Variants in NPIPB11 observed in about 807,000 individuals in gnomAD.
NPIPB11 encodes nuclear pore complex-interacting protein family member B11.
Under a neutral mutation model 32.8 loss-of-function variants are expected in NPIPB11, and 17 were observed. The ratio of observed to expected loss-of-function variants is 0.52; its 90% CI spans 0.35 to 0.78. The LOEUF is 0.78. NPIPB11 is among the 30% of genes least tolerant of loss of function. NPIPB11 has a pLI of 0.01. For synonymous variants in NPIPB11, 209 were observed against 398.4 expected (o/e 0.52, Z 5.66); for missense variants, 537 against 1,000.4 (o/e 0.54, Z 6.25).
intron 3 of NPIPB11, among the ~76,000 whole-genome samples, chr16:29,391,005 A>T (rs1963709075): frequency 6.6e-6 from 1 of 151,050 alleles, no homozygotes; most frequent in African/African-American, 2.4e-5. Flanking sequence ...GCGGTAGCTC[A>T]TGCCTGTAAT....
At chr16:29,397,035 T>C (rs1963871695) in intron 2 of NPIPB11, among the ~76,000 whole-genome samples, 1 of 151,262 alleles carries the variant, frequency 6.6e-6, no homozygotes. Flanking sequence ...AATACAAAAA[T>C]TAGCCAGGCG....
intron 2 of NPIPB11, among the ~76,000 whole-genome samples, chr16:29,402,669 C>G (rs971274372): frequency 1.3e-5 from 2 of 149,032 alleles, no homozygotes; most frequent in African/African-American, 5.0e-5. Context: ...TGCCACTGCA[C>G]TCCAGCCTGG....
chr16:29,400,219 C>T (rs1265170603), intron 2 of NPIPB11, among the ~76,000 whole-genome samples: 2 of 147,692 alleles, frequency 1.4e-5, no homozygotes, highest in Non-Finnish European at 3.0e-5. Flanking sequence ...CTAGAGTCAC[C>T]GTGATCATAG....
At chr16:29,391,643 C>T (rs1476987004) in intron 3 of NPIPB11, among the ~76,000 whole-genome samples, 2 of 152,202 alleles carry the variant, frequency 1.3e-5, no homozygotes, top group African/African-American at 4.8e-5. Context: ...TTAAATATTT[C>T]TTCTCATCAT....
chr16:29,397,653 T>A, intron 2 of NPIPB11: 2 of 1,402,558 alleles, frequency 1.4e-6, no homozygotes, highest in Admixed American at 2.0e-5. Flanking sequence ...GTCCTGGTCC[T>A]TTCAGGGCGC....
chr16:29,389,421 C>A (rs12448633), intron 5 of NPIPB11, among the ~76,000 whole-genome samples: 8,177 of 138,452 alleles, frequency 0.059, 439 homozygotes, highest in East Asian at 0.26. Context: ...CGCCTCTAAT[C>A]CCAGCACTTT....
intron 5 of NPIPB11, among the ~76,000 whole-genome samples, chr16:29,389,260 G>A (rs944672393): frequency 6.6e-6 from 1 of 150,720 alleles, no homozygotes; most frequent in Non-Finnish European, 1.5e-5. Context: ...AGCTACTCGG[G>A]AGGCTGAGGC....
chr16:29,389,687 A>G (rs1489469707), intron 5 of NPIPB11, among the ~76,000 whole-genome samples: 127 of 102,148 alleles, frequency 1.2e-3, no homozygotes, highest in Middle Eastern at 6.7e-3. Context: ...AAAAAAAAAA[A>G]AAAAAAAAAA....
intron 3 of NPIPB11, among the ~76,000 whole-genome samples, chr16:29,393,313 C>T (rs1281666711): frequency 1.3e-5 from 2 of 151,552 alleles, no homozygotes; most frequent in Non-Finnish European, 2.9e-5. Context: ...GTCACCTCGT[C>T]CCTATGACCT....
intron 3 of NPIPB11, among the ~76,000 whole-genome samples, chr16:29,392,002 T>G (rs1284466336): frequency 6.6e-6 from 1 of 152,088 alleles, no homozygotes; most frequent in Non-Finnish European, 1.5e-5. Flanking sequence ...ATTACAGGCA[T>G]GAGCCACCAC....
upstream of NPIPB11, among the ~76,000 whole-genome samples, chr16:29,405,792 G>A (rs1210417157): frequency 6.6e-6 from 1 of 152,162 alleles, no homozygotes; most frequent in Admixed American, 6.5e-5. Flanking sequence ...GCTTTCTGGT[G>A]AGTAAAGATG....
chr16:29,397,231 G>C (rs1443105996), intron 2 of NPIPB11, among the ~76,000 whole-genome samples: 1 of 149,590 alleles, frequency 6.7e-6, no homozygotes, highest in African/African-American at 2.5e-5. Flanking sequence ...ACTTTGTTTT[G>C]GTCCACTTTG....
At chr16:29,390,833 C>T (rs934558446) in intron 3 of NPIPB11, among the ~76,000 whole-genome samples, 1 of 151,582 alleles carries the variant, frequency 6.6e-6, no homozygotes, top group African/African-American at 2.4e-5. Context: ...CATGGTGGTG[C>T]ATGCCTGTAA....
At chr16:29,395,351 AG>A (rs2142131473) in intron 2 of NPIPB11, among the ~76,000 whole-genome samples, 1 of 49,390 alleles carries the variant, frequency 2.0e-5, no homozygotes, top group African/African-American at 1.1e-4. Context: ...GAGTAGAAAC[AG>A]GGTTTCACCA....
intron 5 of NPIPB11, 131 bp downstream of exon 5, chr16:29,389,810 G>C (rs1963667926): frequency 4.1e-6 from 6 of 1,464,928 alleles, no homozygotes; most frequent in Non-Finnish European, 5.5e-6. Flanking sequence ...GAAGCAGAAA[G>C]GACAAACTCA....
chr16:29,402,397 T>C (rs1391775791), intron 2 of NPIPB11, among the ~76,000 whole-genome samples: 2 of 112,470 alleles, frequency 1.8e-5, no homozygotes, highest in Non-Finnish European at 1.7e-5. Flanking sequence ...CTCTTCATAG[T>C]ATATTGTTAA....
chr16:29,406,619 C>T (rs1044821988), upstream of NPIPB11, among the ~76,000 whole-genome samples: 5 of 151,770 alleles, frequency 3.3e-5, no homozygotes, highest in African/African-American at 9.7e-5. Context: ...GAGGCTGAGA[C>T]AGGAGAATTG....
chr16:29,390,745 C>T (rs1006105689), intron 3 of NPIPB11, among the ~76,000 whole-genome samples: 1 of 151,910 alleles, frequency 6.6e-6, no homozygotes, highest in African/African-American at 2.4e-5. Context: ...AGGCGGATCA[C>T]CTGAGGTCGG....
chr16:29,402,642 G>T (rs1379510269), intron 2 of NPIPB11, among the ~76,000 whole-genome samples: 2 of 144,064 alleles, frequency 1.4e-5, no homozygotes, highest in Non-Finnish European at 3.0e-5. Flanking sequence ...GACGGAGGTT[G>T]CAGTGAGCCA....
Sources: allele counts gnomAD v4.1 joint callset (sites outside exome capture counted in the v4.1 genomes callset), GRCh38; gene constraint gnomAD v4.1.1; transcripts MANE v1.5; gene names NCBI Gene and HGNC (gene_info 2026-07-23, HGNC 2026-07-21).